OR8K3: variants seen among roughly 807,000 people sequenced by gnomAD.
OR8K3 encodes olfactory receptor family 8 subfamily K member 3 (gene/pseudogene), also known as olfactory receptor 8K3.
For missense variants in OR8K3, 448 were observed against 367.4 expected (o/e 1.22, Z -1.79); for synonymous variants, 167 against 138.8 (o/e 1.20, Z -1.43).
Position 56,318,927 on chromosome 11 carries a change from G to T in OR8K3, c.621G>T (p.Leu207Phe), listed in dbSNP as rs777336401. The stretch of plus-strand genomic sequence containing the variant: ...TTCTGATCTTTGCAGCTATTGATTT[G>T]ATTTCATCTCTTCTGATAGTTCTTT... ...LIILIFAAID[L>F]ISSLLIVLLS... Residue 207 changes from leucine to phenylalanine, a missense_variant, in exon 3 of 3, where the codon TTG becomes TTT. Physicochemically the swap from Leu to Phe is conservative, Grantham distance 22 (BLOSUM62 0). Coordinates refer to ENST00000641662, the MANE Select transcript of OR8K3 (RefSeq NM_001005202.2). 19 of 1,613,862 alleles carry T rather than the reference G, an allele frequency of 1.2e-5. No homozygotes were observed. The African/African-American group carries it at 2.3e-4, about 19-fold the overall frequency.
In OR8K3 at chr11:56,319,187, A is replaced by C. The variant is rs772916448; in HGVS notation, c.881A>C (p.Lys294Thr). 8.7e-5 allele frequency: 141 copies of C among 1,613,134 alleles called. No individual in the cohort carries two copies. The South Asian group carries it at 1.4e-3, about 16-fold the overall frequency. Reference sequence around the variant, plus strand: ...CCCTTGATCTATAGTTTACGAAACAAAGATGTAAAATATGCCCTACGAAGG... The same window carrying C: ...CCCTTGATCTATAGTTTACGAAACACAGATGTAAAATATGCCCTACGAAGG... ...LNPLIYSLRNKDVKYALRRTW... is the reference protein window; with the variant it reads ...LNPLIYSLRNTDVKYALRRTW... The change falls in exon 3 of 3, where the codon AAA (lysine) becomes ACA (threonine). Residue 294 changes from lysine to threonine, a missense_variant. Coordinates refer to ENST00000641662, the MANE Select transcript of OR8K3 (RefSeq NM_001005202.2).
At position 56,319,252 on chromosome 11, in the gene OR8K3, T is replaced by C; in HGVS notation, c.*7T>C. ...ATGTAATATTTTTGTTTAAATTTTG[T>C]ACAATATGATTCCTATAAATTAGGT... On this transcript the variant is annotated 3_prime_UTR_variant, in exon 3 of 3. Coordinates refer to ENST00000641662, the MANE Select transcript of OR8K3 (RefSeq NM_001005202.2). The C allele has an allele frequency of 6.7e-7, 1 of 1,490,778 alleles. No individual in the cohort carries two copies. The highest frequency in any genetic ancestry group is 9.3e-7 in the Non-Finnish European group (1 of 1,074,462). The allele number at this position is 1,490,778 out of a possible 1,614,324, so 92.3% of individuals were successfully genotyped here.
chr11:56,316,046 A>C lies in OR8K3; in HGVS notation c.-35A>C, dbSNP rs1181223365. ...AACCTCATTTATATTTCCTTACCTA[A>C]CAAGAAAACAGGTACTTATCCATGA... On this transcript the variant is annotated 5_prime_UTR_variant, in exon 2 of 3. Transcript: ENST00000641662. 1 of 152,030 alleles carries C rather than the reference A, an allele frequency of 6.6e-6. No individual in the cohort carries two copies. The highest frequency in any genetic ancestry group is 1.5e-5 in the Non-Finnish European group (1 of 67,912). 9.4% of individuals were successfully genotyped at this position (152,030 alleles called of 1,614,324 possible).
In OR8K3 at chr11:56,319,560, C is replaced by A; in HGVS notation, c.*315C>A. ...CTGGGTGGCAGTAGGAAACAGTGGTCATTACAGAAGGGAGTTACGAGGATT... is the reference window on the plus strand; with the variant it reads ...CTGGGTGGCAGTAGGAAACAGTGGTAATTACAGAAGGGAGTTACGAGGATT... On this transcript the variant is annotated 3_prime_UTR_variant, in exon 3 of 3. Coordinates refer to ENST00000641662, the MANE Select transcript of OR8K3 (RefSeq NM_001005202.2). The A allele has an allele frequency of 3.9e-6, 1 of 257,560 alleles. No individual in the cohort carries two copies. 16.0% of individuals were successfully genotyped at this position (257,560 alleles called of 1,614,324 possible).
chr11:56,319,182 A>T lies in OR8K3; in HGVS notation c.876A>T (p.Arg292=). The T allele has an allele frequency of 6.2e-7, 1 of 1,613,292 alleles. No individual in the cohort carries two copies. Among genetic ancestry groups the T allele is most frequent in the Non-Finnish European group, 8.5e-7 (1 of 1,179,226 alleles). ...TGAATCCCTTGATCTATAGTTTACG[A>T]AACAAAGATGTAAAATATGCCCTAC... The part of the protein sequence containing the change: ...PMLNPLIYSL[R]NKDVKYALRR... The change falls in exon 3 of 3, where the codon CGA becomes CGT. Residue 292 remains arginine, a synonymous_variant. Coordinates refer to ENST00000641662, the MANE Select transcript of OR8K3 (RefSeq NM_001005202.2).
At chr11:56,317,099 A>G (rs1316550396) in intron 2 of OR8K3, among the ~76,000 whole-genome samples, 1 of 152,072 alleles carries the variant, frequency 6.6e-6, no homozygotes, top group Non-Finnish European at 1.5e-5. Flanking sequence ...TGACTCCCCT[A>G]GGCATCATTA....
rs992967409 is a variant in OR8K3, at chr11:56,320,512, T to C, written c.*1267T>C. Reference sequence around the variant, plus strand: ...AGAATTTATTGAAAGTATCAGAGTCTACAATATTTTCTTGGTTCACCATCA... The same window carrying C: ...AGAATTTATTGAAAGTATCAGAGTCCACAATATTTTCTTGGTTCACCATCA... On this transcript the variant is annotated 3_prime_UTR_variant, in exon 3 of 3. Transcript: ENST00000641662. 6.6e-6 allele frequency: 1 copy of C among 152,226 alleles called. No homozygotes were observed. The highest frequency in any genetic ancestry group is 6.5e-5 in the Admixed American group (1 of 15,278). 9.4% of individuals were successfully genotyped at this position (152,226 alleles called of 1,614,324 possible). A position where few individuals can be genotyped will look rare whatever the true frequency, so the allele number is the denominator to read the frequency against.
chr11:56,316,287 A>G (rs1854442353), intron 2 of OR8K3, among the ~76,000 whole-genome samples: 2 of 151,954 alleles, frequency 1.3e-5, no homozygotes, highest in African/African-American at 4.8e-5. Context: ...AGTTCAAATA[A>G]TATGTAATCA....
In OR8K3 at chr11:56,318,632, G is replaced by A. The variant is rs767024951; in HGVS notation, c.326G>A (p.Gly109Asp). Residue 109 changes from glycine to aspartate, a missense_variant, in exon 3 of 3, where the codon GGT (glycine) becomes GAT (aspartate). Coordinates refer to ENST00000641662, the MANE Select transcript of OR8K3 (RefSeq NM_001005202.2). The stretch of plus-strand genomic sequence containing the variant: ...CTAGCTTTCTTTCTTGTGTTCATTG[G>A]TAGTGAACTTTTTATTCTCTCAGCC... ...TQLAFFLVFIGSELFILSAMS... is the reference protein window; with the variant it reads ...TQLAFFLVFIDSELFILSAMS... 1.2e-6 allele frequency: 2 copies of A among 1,613,208 alleles called. No homozygotes were observed. The highest frequency in any genetic ancestry group is 3.3e-5 in the Admixed American group (2 of 59,978).
At position 56,319,599 on chromosome 11, in the gene OR8K3, T is replaced by G. The variant is rs1036778703; in HGVS notation, c.*354T>G. 4.6e-5 allele frequency: 9 copies of G among 194,794 alleles called. No homozygotes were observed. The South Asian group carries it at 9.8e-4, about 21-fold the overall frequency. The allele number at this position is 194,794 out of a possible 1,614,324, so 12.1% of individuals were successfully genotyped here. ...GTTACGAGGATTCCAGTGTTTTTTA[T>G]CTGCTACTGGAATAAAATTTACAGT... is the stretch of plus-strand genomic sequence containing the variant. On this transcript the variant is annotated 3_prime_UTR_variant, in exon 3 of 3. Coordinates refer to ENST00000641662, the MANE Select transcript of OR8K3 (RefSeq NM_001005202.2).
rs1552142 is a variant in OR8K3, at chr11:56,320,062, T to C, written c.*817T>C. 6.6e-6 allele frequency: 1 copy of C among 152,108 alleles called. No individual in the cohort carries two copies. Among genetic ancestry groups the C allele is most frequent in the Non-Finnish European group, 1.5e-5 (1 of 68,008 alleles). The allele number at this position is 152,108 out of a possible 1,614,324, so 9.4% of individuals were successfully genotyped here. On this transcript the variant is annotated 3_prime_UTR_variant, in exon 3 of 3. Coordinates refer to ENST00000641662, the MANE Select transcript of OR8K3 (RefSeq NM_001005202.2). ...TTTTCACAGATTTTCCCGTTATTTA[T>C]CTAAAAAAAAGTAATAAACTGTGGT...
chr11:56,318,202 A>T (rs1854469655), intron 2 of OR8K3, 82 bp from the exon 3 acceptor site: 2 of 662,134 alleles, frequency 3.0e-6, no homozygotes, highest in African/African-American at 1.8e-5. Context: ...ATTTAGGTAT[A>T]TCTTCTGTTA....
rs1343494028 is a variant in OR8K3 at position 56,318,642 on chromosome 11, T to A, written c.336T>A (p.Leu112=). ...TTCTTGTGTTCATTGGTAGTGAACTTTTTATTCTCTCAGCCATGTCCTACG... is the reference window on the plus strand; with the variant it reads ...TTCTTGTGTTCATTGGTAGTGAACTATTTATTCTCTCAGCCATGTCCTACG... ...AFFLVFIGSE[L]FILSAMSYDL... is the part of the protein sequence containing the mutation. Residue 112 remains leucine, a synonymous_variant, in exon 3 of 3, where the codon CTT becomes CTA. Coordinates refer to ENST00000641662, the MANE Select transcript of OR8K3 (RefSeq NM_001005202.2). 1 of 1,613,740 alleles carries A rather than the reference T, an allele frequency of 6.2e-7. No homozygotes were observed. Among genetic ancestry groups the A allele is most frequent in the Non-Finnish European group, 8.5e-7 (1 of 1,179,748 alleles).
In OR8K3 at chr11:56,319,010, A is replaced by G; in HGVS notation, c.704A>G (p.Lys235Arg). 1.2e-6 allele frequency: 2 copies of G among 1,614,136 alleles called. No homozygotes were observed. The highest frequency in any genetic ancestry group is 1.7e-6 in the Non-Finnish European group (2 of 1,180,004). The change falls in exon 3 of 3, where the codon AAG (lysine) becomes AGG (arginine). Residue 235 changes from lysine (K) to arginine (R), a missense_variant. Lys to Arg is a conservative substitution (Grantham distance 26). Transcript: ENST00000641662. ...AGGATGAATTCTGCTGGCAGACAAA[A>G]GGCTTTTTCTACCTGTGGAGCCCAC... ...ILRMNSAGRQ[K>R]AFSTCGAHLT...
Position 56,315,181 on chromosome 11 carries a change from A to G in OR8K3, c.-82+14A>G. The stretch of plus-strand genomic sequence containing the variant: ...GCTTCCTTACAGGTAAAAAAAAAAA[A>G]AGTAAGAATGTTTCTTGTGGTGTCA... On this transcript the variant is annotated intron_variant, in intron 1 of 2. Coordinates refer to ENST00000641662, the MANE Select transcript of OR8K3 (RefSeq NM_001005202.2). The G allele has an allele frequency of 6.6e-6, 1 of 152,034 alleles. No homozygotes were observed. The highest frequency in any genetic ancestry group is 6.6e-5 in the Admixed American group (1 of 15,260). The allele number at this position is 152,034 out of a possible 1,614,324, so 9.4% of individuals were successfully genotyped here.
chr11:56,317,170 A>G (rs192013046), intron 2 of OR8K3, among the ~76,000 whole-genome samples: 2 of 152,158 alleles, frequency 1.3e-5, no homozygotes, highest in South Asian at 2.1e-4. Context: ...ATGTAAAAAA[A>G]ACCTCTTTCA....
intron 1 of OR8K3, 149 bp from the exon 2 acceptor site, chr11:56,315,851 C>A (rs1445473709): frequency 2.0e-5 from 3 of 151,486 alleles, no homozygotes; most frequent in South Asian, 2.1e-4. Context: ...TTTTAGGGAA[C>A]AATACAATTT....
chr11:56,318,533 C>CT lies in OR8K3; in HGVS notation c.228dup (p.Val77CysfsTer13). On this transcript the variant is annotated frameshift_variant, in exon 3 of 3. Coordinates refer to ENST00000641662, the MANE Select transcript of OR8K3 (RefSeq NM_001005202.2). LOFTEE classifies it low-confidence loss of function (END_TRUNC). ...TTCATGGATCTTGGTTATTCAACAA[C>CT]TGTGGGACCCAAAATGTTAGTAAAT... is the stretch of plus-strand genomic sequence containing the variant. 6.2e-7 allele frequency: 1 copy of CT among 1,613,622 alleles called. No individual in the cohort carries two copies. The highest frequency in any genetic ancestry group is 1.1e-5 in the South Asian group (1 of 91,032).
chr11:56,315,475 T>C (rs1239623045), intron 1 of OR8K3, among the ~76,000 whole-genome samples: 1 of 152,092 alleles, frequency 6.6e-6, no homozygotes, highest in African/African-American at 2.4e-5. Context: ...TTTTCTCTAA[T>C]TGAGGCCAAA....
Sources: gnomAD v4.1 joint callset for allele counts (sites outside exome capture counted in the v4.1 genomes callset) on GRCh38, gnomAD v4.1.1 for gene constraint, MANE v1.5 for transcripts, NCBI Gene and HGNC (gene_info 2026-07-23, HGNC 2026-07-21) for gene names.